Variants in FCHO2 observed in about 807,000 individuals in gnomAD.
FCHO2 encodes the protein FCH and mu domain containing endocytic adaptor 2, also known as F-BAR domain only protein 2.
Under a neutral mutation model 114.1 loss-of-function variants are expected in FCHO2, and 43 were observed. That is an observed-to-expected ratio of 0.38 (90% CI 0.30 to 0.49). The LOEUF is 0.49. FCHO2 is among the 20% of genes least tolerant of loss of function. The pLI is 0.97. For missense variants in FCHO2, 807 were observed against 950.4 expected (o/e 0.85, Z 1.98); for synonymous variants, 293 against 315.2 (o/e 0.93, Z 0.75).
intron 11 of FCHO2, among the ~76,000 whole-genome samples, chr5:73,049,070 G>A (rs1757221753): frequency 1.3e-5 from 2 of 151,108 alleles, no homozygotes; most frequent in African/African-American, 4.9e-5. Flanking sequence ...TAGAGACGGG[G>A]TTTCACCGTG....
intron 18 of FCHO2, among the ~76,000 whole-genome samples, chr5:73,065,674 A>G (rs1484905639): frequency 6.6e-6 from 1 of 152,050 alleles, no homozygotes; most frequent in Non-Finnish European, 1.5e-5. Flanking sequence ...AAAAAGTCAT[A>G]CTTTACATAT....
At chr5:73,061,285 A>G (rs528177885) in intron 17 of FCHO2, among the ~76,000 whole-genome samples, 2 of 152,066 alleles carry the variant, frequency 1.3e-5, no homozygotes, top group Admixed American at 6.6e-5. Context: ...TCAGTTTTTC[A>G]TATGCATTTT....
At position 73,006,873 on chromosome 5, in the gene FCHO2, A is replaced by G. The variant is rs564894420; in HGVS notation, c.600+324A>G. Among the ~76,000 whole-genome samples, 4 of 152,302 alleles carry G rather than the reference A, an allele frequency of 2.6e-5. No individual in the cohort carries two copies. In the East Asian group the frequency reaches 7.7e-4, roughly 29 times the overall value. On this transcript the variant is annotated intron_variant, in intron 6 of 25. Transcript: ENST00000430046. ...CTGGAAGTGACTTAGTAGTGAGGCT[A>G]CGGCAGTCAATACAACCCAAAAAAT...
At chr5:73,049,968 G>T (rs1162066209) in intron 11 of FCHO2, among the ~76,000 whole-genome samples, 2 of 151,988 alleles carry the variant, frequency 1.3e-5, no homozygotes, top group African/African-American at 4.8e-5. Context: ...CCAGCAGCTT[G>T]CCCCAGCCAA....
intron 8 of FCHO2, among the ~76,000 whole-genome samples, chr5:73,019,173 A>T (rs1755472605): frequency 6.6e-6 from 1 of 152,232 alleles, no homozygotes; most frequent in Non-Finnish European, 1.5e-5. Flanking sequence ...AGCTAATGAT[A>T]CAATAGTCAA....
intron 8 of FCHO2, among the ~76,000 whole-genome samples, chr5:73,030,744 G>A (rs1273525862): frequency 2.6e-5 from 4 of 152,212 alleles, no homozygotes; most frequent in Non-Finnish European, 5.9e-5. Context: ...CCAGTAGTCT[G>A]TGGTTTAACA....
At chr5:73,063,553 A>G (rs1399706483) in intron 17 of FCHO2, among the ~76,000 whole-genome samples, 1 of 152,084 alleles carries the variant, frequency 6.6e-6, no homozygotes, top group Non-Finnish European at 1.5e-5. Flanking sequence ...CTCATCAGCT[A>G]ATGTATCAGA....
rs182644345 is a variant in FCHO2 at position 73,062,945 on chromosome 5, T to G, written c.1346-896T>G. 4.4e-4 allele frequency among the ~76,000 whole-genome samples: 67 copies of G among 152,226 alleles called. 1 individual carries two copies. In the East Asian group the frequency reaches 9.5e-3, roughly 21 times the overall value. On this transcript the variant is annotated intron_variant, in intron 17 of 25. Transcript: ENST00000430046. ...TGAATATGTTTCTTCCCACCCATTA[T>G]ATTTTTCAGTCTCTGAATTATAGCC...
At chr5:73,077,802 A>G (rs1022646439) in intron 21 of FCHO2, among the ~76,000 whole-genome samples, 2 of 152,132 alleles carry the variant, frequency 1.3e-5, no homozygotes, top group Non-Finnish European at 2.9e-5. Context: ...GTGAGCCAAG[A>G]TCGTGTCACT....
intron 2 of FCHO2, among the ~76,000 whole-genome samples, chr5:72,970,635 CCATCAAGAT>C: frequency 6.6e-6 from 1 of 151,802 alleles, no homozygotes; most frequent in Non-Finnish European, 1.5e-5. Flanking sequence ...AGTCTCTGGA[CCATCAAGAT>C]CATCAATAAT....
At chr5:72,959,512 C>G (rs367759128) in intron 1 of FCHO2, among the ~76,000 whole-genome samples, 13 of 152,170 alleles carry the variant, frequency 8.5e-5, no homozygotes, top group Middle Eastern at 3.4e-3. Flanking sequence ...GTCTCAAAAA[C>G]AGAAAACTAA....
chr5:72,997,379 T>C, intron 5 of FCHO2: 1 of 1,593,030 alleles, frequency 6.3e-7, no homozygotes, highest in South Asian at 1.1e-5. Context: ...GACGAGATAC[T>C]ACGGACAGCA....
intron 17 of FCHO2, among the ~76,000 whole-genome samples, chr5:73,061,473 C>G (rs1279156959): frequency 6.6e-6 from 1 of 151,826 alleles, no homozygotes; most frequent in Non-Finnish European, 1.5e-5. Flanking sequence ...TTTTCTTCTT[C>G]TTCATCTGAA....
chr5:73,068,596 C>T (rs993197746), intron 18 of FCHO2, 54 bp from the exon 19 acceptor site: 1 of 1,566,104 alleles, frequency 6.4e-7, no homozygotes, highest in African/African-American at 1.4e-5. Context: ...AAAATCTTCT[C>T]TAACAAGAGA....
At chr5:73,081,402 T>C (rs565947208) in intron 22 of FCHO2, among the ~76,000 whole-genome samples, 111 of 152,352 alleles carry the variant, frequency 7.3e-4, no homozygotes, top group South Asian at 2.9e-3. Context: ...TGAATTCTTA[T>C]AATGTATGAA....
At chr5:73,054,317 C>T (rs969648384) in intron 14 of FCHO2, 146 bp downstream of exon 14, 3 of 875,680 alleles carry the variant, frequency 3.4e-6, no homozygotes, top group Admixed American at 3.1e-5. Flanking sequence ...ATTTTAAAAA[C>T]ATTAGGTGTT....
rs539720898 is a variant in FCHO2 at position 72,994,078 on chromosome 5, A to G, written c.495+3214A>G. Among the ~76,000 whole-genome samples, 3 of 152,354 alleles carry G rather than the reference A, an allele frequency of 2.0e-5. No individual in the cohort carries two copies. In the East Asian group the frequency reaches 5.8e-4, roughly 29 times the overall value. ...TACCATTCTGGACATAGGAATGGGC[A>G]AAGATTTCATGGCAAAGACACCAAA... On this transcript the variant is annotated intron_variant, in intron 5 of 25. Coordinates refer to ENST00000430046, the MANE Select transcript of FCHO2 (RefSeq NM_138782.3).
chr5:73,044,717 A>G (rs899834051), intron 11 of FCHO2, among the ~76,000 whole-genome samples: 1 of 147,958 alleles, frequency 6.8e-6, no homozygotes. Context: ...GTTTTGGCCT[A>G]TGTCCACATT....
rs975521800 is a variant in FCHO2 at position 72,997,658 on chromosome 5, C to A, written c.495+6794C>A. On this transcript the variant is annotated intron_variant, in intron 5 of 25. Coordinates refer to ENST00000430046, the MANE Select transcript of FCHO2 (RefSeq NM_138782.3). Reference sequence around the variant, plus strand: ...TAGGTTCTGGTGACAGCTGCTCCCCCTTCACCTGAGTTGGGGTTGGGGGAA... The same window carrying A: ...TAGGTTCTGGTGACAGCTGCTCCCCATTCACCTGAGTTGGGGTTGGGGGAA... The A allele has an allele frequency of 4.6e-6, 7 of 1,520,712 alleles. No homozygotes were observed. The African/African-American group carries it at 9.6e-5, about 21-fold the overall frequency. 94.2% of individuals were successfully genotyped at this position (1,520,712 alleles called of 1,614,324 possible). A position where few individuals can be genotyped will look rare whatever the true frequency, so the allele number is the denominator to read the frequency against.
Sources: allele counts gnomAD v4.1 joint callset (sites outside exome capture counted in the v4.1 genomes callset), GRCh38; gene constraint gnomAD v4.1.1; transcripts MANE v1.5; gene names NCBI Gene and HGNC (gene_info 2026-07-23, HGNC 2026-07-21).